Variants in KPNA6 observed in about 807,000 individuals in gnomAD.
KPNA6 encodes importin subunit alpha-7.
KPNA6 carries 9 observed loss-of-function variants against 72.0 expected under a neutral mutation model. The observed-to-expected ratio is 0.13, with a 90% confidence interval of 0.08 to 0.22. KPNA6 has a LOEUF of 0.22. Ranked by LOEUF, KPNA6 falls within the 10% of genes least tolerant of loss-of-function variation. The pLI is 1.00. For missense variants in KPNA6, 374 were observed against 655.7 expected (o/e 0.57, Z 4.69); for synonymous variants, 219 against 242.1 (o/e 0.90, Z 0.89).
chr1:32,154,501 G>C, intron 1 of KPNA6, 87 bp from the exon 2 acceptor site: 1 of 1,433,268 alleles, frequency 7.0e-7, no homozygotes, highest in South Asian at 1.3e-5. Context: ...AGTAGGGGAG[G>C]GTGAAGGGTG....
Position 32,174,393 on chromosome 1 carries a change from G to A in KPNA6, c.*3499G>A, listed in dbSNP as rs1013827275. Reference sequence around the variant, plus strand: ...TTTCTATTTTTCTCAAGCCAAACCAGTTTAAAATGTCTAGCAGAATGAACT... The same window carrying A: ...TTTCTATTTTTCTCAAGCCAAACCAATTTAAAATGTCTAGCAGAATGAACT... On this transcript the variant is annotated 3_prime_UTR_variant, in exon 14 of 14. Coordinates refer to ENST00000373625, the MANE Select transcript of KPNA6 (RefSeq NM_012316.5). 5 of 152,304 alleles carry A rather than the reference G, an allele frequency of 3.3e-5. No individual in the cohort carries two copies. In the East Asian group the frequency reaches 9.6e-4, roughly 29 times the overall value. The allele number at this position is 152,304 out of a possible 1,614,324, so 9.4% of individuals were successfully genotyped here. A position where few individuals can be genotyped will look rare whatever the true frequency, so the allele number is the denominator to read the frequency against.
chr1:32,162,080 T>A (rs1227974657), intron 8 of KPNA6, 34 bp downstream of exon 8: 1 of 1,520,422 alleles, frequency 6.6e-7, no homozygotes, highest in East Asian at 2.3e-5. Context: ...CTGAGTGACA[T>A]CAGGTTCCTT....
rs1417689009 is a variant in KPNA6 at position 32,155,115 on chromosome 1, A to G, written c.138+394A>G. ...ACAAGAGTGAAACTCCATCTCAAAA[A>G]AAAAAAAAAAAAAAAAAAGAAAAGT... On this transcript the variant is annotated intron_variant, in intron 2 of 13. Coordinates refer to ENST00000373625, the MANE Select transcript of KPNA6 (RefSeq NM_012316.5). Among the ~76,000 whole-genome samples, 4 of 149,208 alleles carry G rather than the reference A, an allele frequency of 2.7e-5. No individual in the cohort carries two copies. In the South Asian group the frequency reaches 8.4e-4, roughly 31 times the overall value.
rs1642482810 is a variant in KPNA6 at position 32,173,891 on chromosome 1, A to G, written c.*2997A>G. On this transcript the variant is annotated 3_prime_UTR_variant, in exon 14 of 14. Coordinates refer to ENST00000373625, the MANE Select transcript of KPNA6 (RefSeq NM_012316.5). The stretch of plus-strand genomic sequence containing the variant: ...CTTTTTAAGATCTCTGGTTGGGGGT[A>G]TCTGGATATGGATTAGGAGGGACAA... 6.6e-6 allele frequency: 1 copy of G among 152,248 alleles called. No homozygotes were observed. Among genetic ancestry groups the G allele is most frequent in the African/African-American group, 2.4e-5 (1 of 41,444 alleles). 9.4% of individuals were successfully genotyped at this position (152,248 alleles called of 1,614,324 possible). A position where few individuals can be genotyped will look rare whatever the true frequency, so the allele number is the denominator to read the frequency against.
intron 1 of KPNA6, among the ~76,000 whole-genome samples, chr1:32,124,533 C>T (rs1265142958): frequency 6.9e-6 from 1 of 145,010 alleles, no homozygotes; most frequent in African/African-American, 2.5e-5. Context: ...TTCCAACAGT[C>T]TCTCGCTCTG....
intron 1 of KPNA6, among the ~76,000 whole-genome samples, chr1:32,143,193 A>C (rs1167494482): frequency 6.6e-6 from 1 of 152,068 alleles, no homozygotes; most frequent in South Asian, 2.1e-4. Context: ...CCTCCCAAGT[A>C]GCTGGGACCA....
chr1:32,166,480 A>G (rs1164196298), intron 11 of KPNA6, among the ~76,000 whole-genome samples: 8 of 151,570 alleles, frequency 5.3e-5, no homozygotes, highest in Non-Finnish European at 1.2e-4. Flanking sequence ...CAAAAATTAG[A>G]TGGGTGTGGT....
chr1:32,143,681 A>G (rs1408856565), intron 1 of KPNA6, among the ~76,000 whole-genome samples: 3 of 152,040 alleles, frequency 2.0e-5, no homozygotes, highest in Admixed American at 6.6e-5. Context: ...TTACAATGTT[A>G]TGTGACCATC....
At chr1:32,139,688 T>C (rs776637502) in intron 1 of KPNA6, among the ~76,000 whole-genome samples, 2 of 152,218 alleles carry the variant, frequency 1.3e-5, no homozygotes, top group Non-Finnish European at 2.9e-5. Flanking sequence ...ATGGACATTA[T>C]AGATTAAAAG....
chr1:32,154,431 G>T (rs140972827), intron 1 of KPNA6, among the ~76,000 whole-genome samples, 157 bp from the exon 2 acceptor site: 43 of 152,008 alleles, frequency 2.8e-4, no homozygotes, highest in African/African-American at 1.0e-3. Flanking sequence ...ACTGGGGCTG[G>T]GGGGTGGGTA....
At chr1:32,135,206 T>G (rs1209139279) in intron 1 of KPNA6, among the ~76,000 whole-genome samples, 4 of 152,184 alleles carry the variant, frequency 2.6e-5, no homozygotes, top group Non-Finnish European at 5.9e-5. Context: ...TAGCTGGGAT[T>G]ACAGGCATGC....
chr1:32,159,828 AC>A (rs1355796314), intron 6 of KPNA6, among the ~76,000 whole-genome samples: 1 of 152,130 alleles, frequency 6.6e-6, no homozygotes, highest in African/African-American at 2.4e-5. Flanking sequence ...AAAACTCTAT[AC>A]ATTTGTTGTT....
Position 32,158,342 on chromosome 1 carries a change from A to G in KPNA6, c.407A>G (p.Asn136Ser). The change falls in exon 5 of 14, where the codon AAT (asparagine) becomes AGT (serine). Residue 136 changes from asparagine (N) to serine (S), a missense_variant. Transcript: ENST00000373625. ...VDRFVEFLKR[N>S]ENCTLQFEAA... Reference sequence around the variant, plus strand: ...CGGTTCGTGGAGTTTCTGAAGAGGAATGAGAATTGTACATTACAGGTGAGG... The same window carrying G: ...CGGTTCGTGGAGTTTCTGAAGAGGAGTGAGAATTGTACATTACAGGTGAGG... The G allele has an allele frequency of 3.7e-6, 6 of 1,612,088 alleles. No individual in the cohort carries two copies. Among genetic ancestry groups the G allele is most frequent in the Non-Finnish European group, 4.2e-6 (5 of 1,178,208 alleles).
chr1:32,153,286 C>T (rs1173426126), intron 1 of KPNA6, among the ~76,000 whole-genome samples: 2 of 151,916 alleles, frequency 1.3e-5, no homozygotes, highest in Non-Finnish European at 2.9e-5. Flanking sequence ...CGTGAACAGG[C>T]CAGGCGCAGT....
intron 1 of KPNA6, among the ~76,000 whole-genome samples, chr1:32,130,490 T>C (rs1330595403): frequency 1.3e-5 from 2 of 152,104 alleles, no homozygotes; most frequent in African/African-American, 2.4e-5. Context: ...GTCATTAACA[T>C]TGAAGGCATC....
intron 8 of KPNA6, 26 bp downstream of exon 8, chr1:32,162,072 G>A: frequency 6.4e-7 from 1 of 1,564,852 alleles, no homozygotes; most frequent in Non-Finnish European, 8.8e-7. Context: ...ACTAGACCCT[G>A]AGTGACATCA....
chr1:32,155,915 ATTTTTTTTTTT>A (rs747284319), intron 2 of KPNA6, among the ~76,000 whole-genome samples: 1 of 105,050 alleles, frequency 9.5e-6, no homozygotes, highest in Non-Finnish European at 1.9e-5. Context: ...ATTTTTGTGG[ATTTTTTTTTTT>A]TTTTTTTTTT....
chr1:32,148,387 AC>A, intron 1 of KPNA6, among the ~76,000 whole-genome samples: 1 of 151,596 alleles, frequency 6.6e-6, no homozygotes, highest in Non-Finnish European at 1.5e-5. Context: ...CAGTTGATCC[AC>A]CTGCCTCAGT....
chr1:32,142,602 A>G (rs1641859242), intron 1 of KPNA6, among the ~76,000 whole-genome samples: 1 of 152,200 alleles, frequency 6.6e-6, no homozygotes, highest in South Asian at 2.1e-4. Flanking sequence ...GCATGGCAAC[A>G]TTAGACATTC....
Sources: gnomAD v4.1 joint callset for allele counts (sites outside exome capture counted in the v4.1 genomes callset) on GRCh38, gnomAD v4.1.1 for gene constraint, MANE v1.5 for transcripts, NCBI Gene and HGNC (gene_info 2026-07-23, HGNC 2026-07-21) for gene names.